The following IFI27L2 variants were observed in gnomAD, a reference collection of about 807,000 sequenced individuals.
IFI27L2 encodes the protein interferon alpha-inducible protein 27-like protein 2.
IFI27L2 carries 8 observed loss-of-function variants against 7.9 expected under a neutral mutation model. The ratio of observed to expected loss-of-function variants is 1.02; its 90% CI spans 0.60 to 1.84. The LOEUF (loss-of-function observed/expected upper bound fraction) is 1.84, where lower values mean the gene tolerates loss of function less well. Ranked by LOEUF, IFI27L2 falls within the 40% of genes most tolerant of loss-of-function variation. The probability of loss-of-function intolerance (pLI) is 0.00; values close to 1 mark genes in which losing one functional copy is unlikely to be tolerated. For missense variants in IFI27L2, 190 were observed against 165.8 expected, an observed-to-expected ratio of 1.15 and a Z score of -0.80; for synonymous variants, 56 against 66.5, an observed-to-expected ratio of 0.84 and a Z score of 0.77.
intron 3 of IFI27L2, 89 bp downstream of exon 3, chr14:94,128,425 G>A (rs905218466): frequency 1.3e-5 from 16 of 1,212,044 alleles, no homozygotes; most frequent in East Asian, 4.7e-5. Flanking sequence ...TGAGGGTCAC[G>A]GAACTTCAGG....
Position 94,129,288 on chromosome 14 carries a change from C to T in IFI27L2, c.11G>A (p.Arg4Gln), listed in dbSNP as rs751987990. 10 of 1,608,278 alleles carry T rather than the reference C, an allele frequency of 6.2e-6. No homozygotes were observed. The highest frequency in any genetic ancestry group is 8.5e-6 in the Non-Finnish European group (10 of 1,177,938). The stretch of plus-strand genomic sequence containing the variant: ...TCCTCCCACTGCAGCAGCAGCTGCC[C>T]GTTCTAGAGAGAGAGTGCCAGGGGA... MMK[R>Q]AAAAAVGGAL... The change falls in exon 2 of 4, where the codon CGG becomes CAG. Residue 4 changes from arginine (R) to glutamine (Q), a missense_variant. Physicochemically the swap from Arg to Gln is conservative, Grantham distance 43. Transcript: ENST00000238609.
At position 94,128,504 on chromosome 14, in the gene IFI27L2, G is replaced by C; in HGVS notation, c.199+10C>G. On this transcript the variant is annotated intron_variant, in intron 3 of 3. Coordinates refer to ENST00000238609, the MANE Select transcript of IFI27L2 (RefSeq NM_032036.3). ...CTCGCAGCTCTGGTGGTCCTGTCTA[G>C]GACACTTACCCACGGACTGCAGAGT... 1 of 1,613,660 alleles carries C rather than the reference G, an allele frequency of 6.2e-7. No homozygotes were observed. Among genetic ancestry groups the C allele is most frequent in the Non-Finnish European group, 8.5e-7 (1 of 1,179,624 alleles).
At chr14:94,129,375 G>A in intron 1 of IFI27L2, 84 bp from the exon 2 acceptor site, 2 of 1,119,432 alleles carry the variant, frequency 1.8e-6, no homozygotes, top group Non-Finnish European at 2.7e-6. Context: ...GGAGGGAGGG[G>A]GAGGGAAGCA....
rs780325177 is a variant in IFI27L2 at position 94,127,809 on chromosome 14, T to C, written c.383A>G (p.His128Arg). ...PPKPPLKSEK[H>R]EE The stretch of plus-strand genomic sequence containing the variant: ...ATCTGCATGTGACCTTTATTCCTCA[T>C]GTTTCTCTGACTTGAGTGGGGGTTT... The change falls in exon 4 of 4, where the codon CAT becomes CGT. Residue 128 changes from histidine (H) to arginine (R), a missense_variant. His to Arg is a conservative substitution (Grantham distance 29). Transcript: ENST00000238609. The C allele has an allele frequency of 6.2e-7, 1 of 1,613,542 alleles. No individual in the cohort carries two copies. The highest frequency in any genetic ancestry group is 8.5e-7 in the Non-Finnish European group (1 of 1,179,456).
rs113221739 is a variant in IFI27L2, at chr14:94,129,503, T to C, written c.7+55A>G. 10,857 of 1,542,936 alleles carry C rather than the reference T, an allele frequency of 7.0e-3. 622 individuals carry two copies. In the African/African-American group the frequency reaches 0.12, roughly 17 times the overall value. On this transcript the variant is annotated intron_variant, in intron 1 of 3. Coordinates refer to ENST00000238609, the MANE Select transcript of IFI27L2 (RefSeq NM_032036.3). ...TCCCTGTCCCTTCCTGGGCTGGGGTTGGGGAAGCCTGCCCCCAGCCCAGCC... is the reference window on the plus strand; with the variant it reads ...TCCCTGTCCCTTCCTGGGCTGGGGTCGGGGAAGCCTGCCCCCAGCCCAGCC...
Position 94,127,873 on chromosome 14 carries a change from CT to C in IFI27L2, c.318del (p.Asp107MetfsTer?). The C allele has an allele frequency of 6.2e-7, 1 of 1,614,148 alleles. No individual in the cohort carries two copies. The highest frequency in any genetic ancestry group is 8.5e-7 in the Non-Finnish European group (1 of 1,179,982). On this transcript the variant is annotated frameshift_variant, in exon 4 of 4. Transcript: ENST00000238609. LOFTEE classifies it low-confidence loss of function (END_TRUNC). ...SSLPAEPEAK[E>X]DEARENVPQG... ...TGGGGTACATTTTCTCTTGCCTCATCTTCTTTAGCCTCGGGTTCAGCTGGGA... is the reference window on the plus strand; with the variant it reads ...TGGGGTACATTTTCTCTTGCCTCATCTCTTTAGCCTCGGGTTCAGCTGGGA...
intron 3 of IFI27L2, 25 bp downstream of exon 3, chr14:94,128,489 T>C (rs1887625244): frequency 6.2e-7 from 1 of 1,611,528 alleles, no homozygotes; most frequent in Non-Finnish European, 8.5e-7. Flanking sequence ...CTCGCAGCTC[T>C]GGTGGTCCTG....
At chr14:94,128,453 C>G (rs967668413) in intron 3 of IFI27L2, 61 bp downstream of exon 3, 95 of 1,514,696 alleles carry the variant, frequency 6.3e-5, no homozygotes, top group Non-Finnish European at 8.0e-5. Context: ...GAGCTTCCCT[C>G]GGGCTCAGCC....
intron 2 of IFI27L2, 98 bp downstream of exon 2, chr14:94,129,164 G>C (rs1887639299): frequency 1.1e-6 from 1 of 924,994 alleles, no homozygotes; most frequent in African/African-American, 1.6e-5. Flanking sequence ...CGGAAGTGGA[G>C]GGTGAGAGCC....
chr14:94,128,340 C>T, intron 3 of IFI27L2, 174 bp downstream of exon 3: 1 of 630,972 alleles, frequency 1.6e-6, no homozygotes, highest in Admixed American at 2.8e-5. Context: ...ATCACCCCTC[C>T]ACTCCTACCC....
Position 94,128,587 on chromosome 14 carries a change from C to A in IFI27L2, c.126G>T (p.Met42Ile). ...GIAASSIAAK[M>I]MSAAAIANGG... ...CGTTGGCAATGGCTGCTGCGGACAT[C>A]ATCTTGGCTGCTATGGAGGACGCGG... The change falls in exon 3 of 4, where the codon ATG becomes ATT. Residue 42 changes from methionine to isoleucine, a missense_variant. Met to Ile is a conservative substitution (Grantham distance 10). Coordinates refer to ENST00000238609, the MANE Select transcript of IFI27L2 (RefSeq NM_032036.3). 1 of 1,614,244 alleles carries A rather than the reference C, an allele frequency of 6.2e-7. No homozygotes were observed. Among genetic ancestry groups the A allele is most frequent in the Non-Finnish European group, 8.5e-7 (1 of 1,180,034 alleles).
chr14:94,127,890 T>C lies in IFI27L2; in HGVS notation c.302A>G (p.Glu101Gly), dbSNP rs1435250952. Reference sequence around the variant, plus strand: ...TGCCTCATCTTCTTTAGCCTCGGGTTCAGCTGGGAGAGAAGAAGAAGGTGA... The same window carrying C: ...TGCCTCATCTTCTTTAGCCTCGGGTCCAGCTGGGAGAGAAGAAGAAGGTGA... Reference protein sequence around the residue: ...GNSPSSSLPAEPEAKEDEARE... With the variant: ...GNSPSSSLPAGPEAKEDEARE... Residue 101 changes from glutamate to glycine, a missense_variant, in exon 4 of 4, where the codon GAA becomes GGA. Coordinates refer to ENST00000238609, the MANE Select transcript of IFI27L2 (RefSeq NM_032036.3). 1.9e-6 allele frequency: 3 copies of C among 1,613,780 alleles called. No individual in the cohort carries two copies. Among genetic ancestry groups the C allele is most frequent in the African/African-American group, 1.3e-5 (1 of 74,904 alleles).
chr14:94,129,228 GA>G (rs1246325592), intron 2 of IFI27L2, 33 bp downstream of exon 2: 1 of 1,587,832 alleles, frequency 6.3e-7, no homozygotes, highest in Non-Finnish European at 8.6e-7. Context: ...CAGGCTAGGT[GA>G]GGGCCTGGAG....
Position 94,129,599 on chromosome 14 carries a change from A to G in IFI27L2, c.-35T>C. 1 of 1,611,724 alleles carries G rather than the reference A, an allele frequency of 6.2e-7. No individual in the cohort carries two copies. Among genetic ancestry groups the G allele is most frequent in the African/African-American group, 1.3e-5 (1 of 74,930 alleles). ...GTCCGGGTCCCAACTTGGCCCAGGA[A>G]ATGACAGCGTTCTTGGGGTGTTACT... On this transcript the variant is annotated 5_prime_UTR_variant, in exon 1 of 4. Coordinates refer to ENST00000238609, the MANE Select transcript of IFI27L2 (RefSeq NM_032036.3).
Position 94,129,262 on chromosome 14 carries a change from C to G in IFI27L2, c.37G>C (p.Ala13Pro). 1 of 1,612,886 alleles carries G rather than the reference C, an allele frequency of 6.2e-7. No individual in the cohort carries two copies. Among genetic ancestry groups the G allele is most frequent in the East Asian group, 2.2e-5 (1 of 44,794 alleles). ...GAGACAGGCGATCCGGGTAACTTAC[C>G]TCCTCCCACTGCAGCAGCAGCTGCC... ...KRAAAAAVGGALAVGAVPVVL... is the reference protein window; with the variant it reads ...KRAAAAAVGGPLAVGAVPVVL... The change falls in exon 2 of 4, where the codon GCC (alanine) becomes CCC (proline). Residue 13 changes from alanine to proline, a missense_variant and splice_region_variant. Physicochemically the swap from Ala to Pro is conservative, Grantham distance 27 (BLOSUM62 -1). Coordinates refer to ENST00000238609, the MANE Select transcript of IFI27L2 (RefSeq NM_032036.3).
chr14:94,129,519 C>T (rs1567084973), intron 1 of IFI27L2, 39 bp downstream of exon 1: 2 of 1,603,906 alleles, frequency 1.2e-6, no homozygotes, highest in Admixed American at 3.3e-5. Flanking sequence ...AGCCTGCCCC[C>T]AGCCCAGCCC....
intron 2 of IFI27L2, 60 bp from the exon 3 acceptor site, chr14:94,128,735 GC>G: frequency 1.4e-6 from 2 of 1,392,222 alleles, no homozygotes; most frequent in Non-Finnish European, 2.0e-6. Context: ...CCTTCCCCCC[GC>G]CCCCCGCTTA....
At chr14:94,128,403 G>A in intron 3 of IFI27L2, 111 bp downstream of exon 3, 1 of 939,732 alleles carries the variant, frequency 1.1e-6, no homozygotes. Context: ...AGAGACTGAA[G>A]ACCCAGGAAG....
In IFI27L2 at chr14:94,127,914, G is replaced by A. The variant is rs1285307180; in HGVS notation, c.278C>T (p.Ser93Leu). 2.5e-6 allele frequency: 4 copies of A among 1,613,704 alleles called. No homozygotes were observed. Among genetic ancestry groups the A allele is most frequent in the Non-Finnish European group, 3.4e-6 (4 of 1,179,764 alleles). The change falls in exon 4 of 4, where the codon TCA (serine) becomes TTA (leucine). Residue 93 changes from serine (S) to leucine (L), a missense_variant. By Grantham distance (145) the Ser-to-Leu change is moderately radical. Coordinates refer to ENST00000238609, the MANE Select transcript of IFI27L2 (RefSeq NM_032036.3). ...GSVLGACLGN[S>L]PSSSLPAEPE... Reference sequence around the variant, plus strand: ...TTCAGCTGGGAGAGAAGAAGAAGGTGAATTCCCCAAGCAGGCCCCCAACAC... The same window carrying A: ...TTCAGCTGGGAGAGAAGAAGAAGGTAAATTCCCCAAGCAGGCCCCCAACAC...
Sources: gnomAD v4.1 joint callset for allele counts on GRCh38, gnomAD v4.1.1 for gene constraint, MANE v1.5 for transcripts, NCBI Gene and HGNC (gene_info 2026-07-23, HGNC 2026-07-21) for gene names.